ADGRL1: variants seen among roughly 807,000 people sequenced by gnomAD.
ADGRL1 encodes the protein adhesion G protein-coupled receptor L1, also known as CIRL-1.
ADGRL1 carries 31 observed loss-of-function variants against 148.9 expected under a neutral mutation model. The ratio of observed to expected loss-of-function variants is 0.21; its 90% confidence interval spans 0.16 to 0.28. The LOEUF (loss-of-function observed/expected upper bound fraction) is 0.28. ADGRL1 is among the 10% of genes least tolerant of loss of function. The pLI is 1.00. For missense variants in ADGRL1, 1,521 were observed against 2,058.8 expected, an observed-to-expected ratio of 0.74 and a Z score of 5.05; for synonymous variants, 937 against 900.3, an observed-to-expected ratio of 1.04 and a Z score of -0.73.
intron 2 of ADGRL1, 49 bp downstream of exon 2, chr19:14,183,484 C>T (rs371825713): frequency 4.3e-6 from 6 of 1,386,552 alleles, no homozygotes; most frequent in Admixed American, 2.1e-5. Flanking sequence ...CTGCCCCCCC[C>T]AGAAGGGTTT....
At chr19:14,186,186 G>A (rs1356843171) in intron 1 of ADGRL1, among the ~76,000 whole-genome samples, 2 of 152,134 alleles carry the variant, frequency 1.3e-5, no homozygotes, top group African/African-American at 4.8e-5. Context: ...GGCCTCCCTA[G>A]TAGCTGAGAC....
chr19:14,157,275 G>A lies in ADGRL1; in HGVS notation c.2721C>T (p.Val907=), dbSNP rs754542337. The change falls in exon 14 of 23, where the codon GTC becomes GTT. Residue 907 remains valine (V), a synonymous_variant. Transcript: ENST00000361434. The surrounding 1 kb of genome is among the most constrained non-coding windows in gnomAD (Gnocchi z 7.5). ...NLFLAELLFL[V]GIDKTQYEIA... ...CCTCATACTGAGTCTTGTCGATCCC[G>A]ACCAGGAAGAGCAGCTCAGCCAGGA... The A allele has an allele frequency of 6.8e-6, 11 of 1,614,046 alleles. No homozygotes were observed. Among genetic ancestry groups the A allele is most frequent in the South Asian group, 1.1e-5 (1 of 91,056 alleles).
chr19:14,160,436 C>T lies in ADGRL1; in HGVS notation c.1615-139G>A, dbSNP rs1969239380. 5 of 941,018 alleles carry T rather than the reference C, an allele frequency of 5.3e-6. No homozygotes were observed. The highest frequency in any genetic ancestry group is 7.8e-6 in the Non-Finnish European group (5 of 637,654). The allele number at this position is 941,018 out of a possible 1,614,324, so 58.3% of individuals were successfully genotyped here. On this transcript the variant is annotated intron_variant, in intron 7 of 22. Transcript: ENST00000361434. This position sits in a 1 kb window ranked among gnomAD's most constrained non-coding sequence, Gnocchi z 5.9. Reference sequence around the variant, plus strand: ...CGCCATCTGCCCCTTCCCACCCCATCTGTCCCTGCTCCCTTTGTAGGCCAG... The same window carrying T: ...CGCCATCTGCCCCTTCCCACCCCATTTGTCCCTGCTCCCTTTGTAGGCCAG...
chr19:14,199,120 C>G (rs1246698543), intron 1 of ADGRL1, among the ~76,000 whole-genome samples: 2 of 152,180 alleles, frequency 1.3e-5, no homozygotes, highest in Non-Finnish European at 2.9e-5. Context: ...TCCGGCATAG[C>G]GCCCTTAAGT....
chr19:14,193,227 C>A (rs1972053823), intron 1 of ADGRL1, among the ~76,000 whole-genome samples: 1 of 145,802 alleles, frequency 6.9e-6, no homozygotes, highest in Non-Finnish European at 1.5e-5. Context: ...TCCCTGAGGC[C>A]TCTGGAGGGG....
At chr19:14,169,140 G>GCGCTGGTT (rs1970251784) in intron 4 of ADGRL1, 1 of 152,276 alleles carries the variant, frequency 6.6e-6, no homozygotes, top group Non-Finnish European at 1.5e-5. Context: ...CCTGAACCAG[G>GCGCTGGTT]CATGGGTCTG....
intron 1 of ADGRL1, among the ~76,000 whole-genome samples, chr19:14,196,336 G>A (rs1401973526): frequency 1.3e-5 from 2 of 152,212 alleles, no homozygotes; most frequent in African/African-American, 2.4e-5. Flanking sequence ...GCTCTGCACT[G>A]GGCCGGATGT....
intron 1 of ADGRL1, 60 bp from the exon 2 acceptor site, chr19:14,183,757 C>T (rs1368810245): frequency 1.6e-5 from 10 of 643,014 alleles, no homozygotes; most frequent in Non-Finnish European, 2.4e-5. Context: ...CCCCTCTCCT[C>T]CTGCTGGTGG....
chr19:14,182,723 G>A (rs1971284799), intron 2 of ADGRL1, among the ~76,000 whole-genome samples: 1 of 152,210 alleles, frequency 6.6e-6, no homozygotes, highest in South Asian at 2.1e-4. Context: ...CCCAGCTGGG[G>A]CTATGGGGCA....
At position 14,160,662 on chromosome 19, in the gene ADGRL1, C is replaced by A; in HGVS notation, c.1545G>T (p.Gly515=). The part of the protein sequence containing the change: ...IASFQCLPAL[G]LWNPRGPDLS... ...GGTCAGGGCCCCGGGGGTTCCAGAGCCCCAAGGCTGGTAGACACTGGAAGG... is the reference window on the plus strand; with the variant it reads ...GGTCAGGGCCCCGGGGGTTCCAGAGACCCAAGGCTGGTAGACACTGGAAGG... The change falls in exon 7 of 23, where the codon GGG becomes GGT. Residue 515 remains glycine (G), a synonymous_variant. Coordinates refer to ENST00000361434, the MANE Select transcript of ADGRL1 (RefSeq NM_014921.5). This position sits in a 1 kb window ranked among gnomAD's most constrained non-coding sequence, Gnocchi z 5.9. 6.2e-7 allele frequency: 1 copy of A among 1,612,986 alleles called. No individual in the cohort carries two copies. Among genetic ancestry groups the A allele is most frequent in the African/African-American group, 1.3e-5 (1 of 74,968 alleles).
chr19:14,159,112 G>A lies in ADGRL1; in HGVS notation c.2127C>T (p.Thr709=). ...GACCATTGCGGCTGTTCTGCTTGAT[G>A]GTTTTGGCAGACAGCTGGATGGAGT... ...RKNSIQLSAK[T]IKQNSRNGVV... is the part of the protein sequence containing the mutation. Residue 709 remains threonine (T), a synonymous_variant, in exon 11 of 23, where the codon ACC becomes ACT. Coordinates refer to ENST00000361434, the MANE Select transcript of ADGRL1 (RefSeq NM_014921.5). The surrounding 1 kb of genome is among the most constrained non-coding windows in gnomAD (Gnocchi z 6.0). 1 of 1,614,126 alleles carries A rather than the reference G, an allele frequency of 6.2e-7. No individual in the cohort carries two copies. The highest frequency in any genetic ancestry group is 1.1e-5 in the South Asian group (1 of 91,076).
At chr19:14,165,855 C>G (rs1568592789) in intron 4 of ADGRL1, among the ~76,000 whole-genome samples, 1 of 152,120 alleles carries the variant, frequency 6.6e-6, no homozygotes, top group Non-Finnish European at 1.5e-5. Context: ...ACTGTAATTT[C>G]AAGGCAAAAG....
chr19:14,179,054 T>A (rs933306638), intron 2 of ADGRL1, among the ~76,000 whole-genome samples: 1 of 151,878 alleles, frequency 6.6e-6, no homozygotes. Context: ...CGTGGTGGCA[T>A]GTGCCTGTAA....
chr19:14,150,735 G>C lies in ADGRL1; in HGVS notation c.*138C>G. 9.5e-7 allele frequency: 1 copy of C among 1,053,898 alleles called. No homozygotes were observed. Among genetic ancestry groups the C allele is most frequent in the Non-Finnish European group, 1.4e-6 (1 of 739,676 alleles). The allele number at this position is 1,053,898 out of a possible 1,614,324, so 65.3% of individuals were successfully genotyped here. A position where few individuals can be genotyped will look rare whatever the true frequency, so the allele number is the denominator to read the frequency against. ...CAGGTTAGAGTCCCCTGAGGGGACT[G>C]TAGGGCCCATGGCTGAGGGGCACCT... On this transcript the variant is annotated 3_prime_UTR_variant, in exon 23 of 23. Transcript: ENST00000361434.
chr19:14,191,696 C>CT (rs202173891), intron 1 of ADGRL1, among the ~76,000 whole-genome samples: 419 of 143,882 alleles, frequency 2.9e-3, no homozygotes, highest in Middle Eastern at 3.5e-3. Flanking sequence ...CTGTCTCTCT[C>CT]TTTTTTTTTT....
intron 15 of ADGRL1, 37 bp from the exon 16 acceptor site, chr19:14,156,761 C>T (rs367941807): frequency 1.4e-5 from 22 of 1,584,744 alleles, no homozygotes; most frequent in East Asian, 4.6e-5. Flanking sequence ...AGAGAGAAGC[C>T]GAGGAGCCAT....
In ADGRL1 at chr19:14,183,001, G is replaced by A. The variant is rs192759022; in HGVS notation, c.70+532C>T. ...TTATCCCGCCCTTGCCCCCGGCCTGGGCTGGTCACGGGGCCAGTAATCGAG... is the reference window on the plus strand; with the variant it reads ...TTATCCCGCCCTTGCCCCCGGCCTGAGCTGGTCACGGGGCCAGTAATCGAG... On this transcript the variant is annotated intron_variant, in intron 2 of 22. Transcript: ENST00000361434. Among the ~76,000 whole-genome samples the A allele has an allele frequency of 9.7e-3, 1,476 of 152,280 alleles. 16 individuals are homozygous for A. The highest frequency in any genetic ancestry group is 0.033 in the African/African-American group (1,375 of 41,564).
intron 1 of ADGRL1, among the ~76,000 whole-genome samples, chr19:14,200,122 G>A (rs1309286319): frequency 6.6e-6 from 1 of 152,186 alleles, no homozygotes; most frequent in African/African-American, 2.4e-5. Context: ...TGAGAGAGGA[G>A]CACGCAGGTG....
rs1969084509 is a variant in ADGRL1 at position 14,159,189 on chromosome 19, CTG to C, written c.2048_2049del (p.Thr683ArgfsTer113). The C allele has an allele frequency of 6.2e-7, 1 of 1,613,988 alleles. No individual in the cohort carries two copies. On this transcript the variant is annotated frameshift_variant, in exon 11 of 23. Coordinates refer to ENST00000361434, the MANE Select transcript of ADGRL1 (RefSeq NM_014921.5). LOFTEE classifies it high-confidence loss of function. This position sits in a 1 kb window ranked among gnomAD's most constrained non-coding sequence, Gnocchi z 6.0. ...AACACCAGCTCCTGCACCTGGCCCT[CTG>C]TGTTCAGGACTGTGACCTCCAGGAC... ...NVVLEVTVLN[T>X]EGQVQELVFP...
Sources: gnomAD v4.1 joint callset for allele counts (sites outside exome capture counted in the v4.1 genomes callset) on GRCh38, gnomAD v4.1.1 for gene constraint, Gnocchi (gnomAD v3.1) non-coding constraint, MANE v1.5 for transcripts, NCBI Gene and HGNC (gene_info 2026-07-23, HGNC 2026-07-21) for gene names.